TRIP10: variants seen among roughly 807,000 people sequenced by gnomAD.
The protein encoded by TRIP10 is cdc42-interacting protein 4.
A neutral mutation model predicts 80.9 loss-of-function variants in TRIP10; 54 were observed. The observed-to-expected ratio is 0.67, with a 90% CI of 0.54 to 0.84. The LOEUF is 0.84. Among genes scored for constraint, TRIP10 ranks in the 40% least tolerant of loss-of-function variants. The pLI is 0.00. For missense variants in TRIP10, 773 were observed against 815.3 expected, an observed-to-expected ratio of 0.95 and a Z score of 0.63; for synonymous variants, 321 against 307.2, an observed-to-expected ratio of 1.04 and a Z score of -0.47.
rs543149350 is a variant in TRIP10 at position 6,751,375 on chromosome 19, G to T, written c.*164G>T. The T allele has an allele frequency of 7.2e-7, 1 of 1,395,420 alleles. No individual in the cohort carries two copies. The highest frequency in any genetic ancestry group is 2.8e-5 in the East Asian group (1 of 35,922). 86.4% of individuals were successfully genotyped at this position (1,395,420 alleles called of 1,614,324 possible). On this transcript the variant is annotated 3_prime_UTR_variant, in exon 15 of 15. Transcript: ENST00000313244. ...CCCAGTCCTACCTGTCACACCGGAC[G>T]GACCCGCTGTGCCTTCTACCATCGT...
chr19:6,740,970 C>G, intron 1 of TRIP10, 40 bp from the exon 2 acceptor site: 1 of 1,576,024 alleles, frequency 6.3e-7, no homozygotes, highest in Non-Finnish European at 8.7e-7. Context: ...ATCGTGACCC[C>G]GGCCCCTCTC....
Position 6,746,359 on chromosome 19 carries a change from G to C in TRIP10, c.1153-93G>C. The C allele has an allele frequency of 6.4e-7, 1 of 1,561,306 alleles. No homozygotes were observed. The highest frequency in any genetic ancestry group is 1.2e-5 in the South Asian group (1 of 86,368). On this transcript the variant is annotated intron_variant, in intron 10 of 14. Transcript: ENST00000313244. This position sits in a 1 kb window ranked among gnomAD's most constrained non-coding sequence, Gnocchi z 6.2. ...GCATGGCTTCGCTGTCAAGAACCAT[G>C]GCTGGGGAAGGGAGTGAAATATCTC...
intron 12 of TRIP10, 64 bp downstream of exon 12, chr19:6,750,130 G>A: frequency 6.4e-7 from 1 of 1,563,054 alleles, no homozygotes. Flanking sequence ...GCTGGGTGGG[G>A]TGGGGGGTCG....
chr19:6,747,943 T>TAGAAGA lies in TRIP10; in HGVS notation c.1262+1393_1262+1398dup, dbSNP rs142268882. ...GGCAACGTAGTAAAACCCCATCTCT[T>TAGAAGA]AGAAGAAGAAGAAGAAAAACCCAAG... On this transcript the variant is annotated intron_variant, in intron 11 of 14. Coordinates refer to ENST00000313244, the MANE Select transcript of TRIP10 (RefSeq NM_001288962.2). Among the ~76,000 whole-genome samples the TAGAAGA allele has an allele frequency of 2.0e-5, 3 of 150,942 alleles. No individual in the cohort carries two copies. The South Asian group carries it at 6.3e-4, about 32-fold the overall frequency.
chr19:6,745,158 C>A lies in TRIP10; in HGVS notation c.984+164C>A. The A allele has an allele frequency of 2.2e-6, 2 of 909,754 alleles. No individual in the cohort carries two copies. Among genetic ancestry groups the A allele is most frequent in the Non-Finnish European group, 3.2e-6 (2 of 628,804 alleles). The allele number at this position is 909,754 out of a possible 1,614,324, so 56.4% of individuals were successfully genotyped here. A position where few individuals can be genotyped will look rare whatever the true frequency, so the allele number is the denominator to read the frequency against. On this transcript the variant is annotated intron_variant, in intron 9 of 14. Transcript: ENST00000313244. The surrounding 1 kb of genome is among the most constrained non-coding windows in gnomAD (Gnocchi z 7.2). ...GAGGGAAGGAAGGCGGCCGATTGGCCTGGGAGTCCCCCGAGGCGAAGGCGG... is the reference window on the plus strand; with the variant it reads ...GAGGGAAGGAAGGCGGCCGATTGGCATGGGAGTCCCCCGAGGCGAAGGCGG...
At position 6,745,001 on chromosome 19, in the gene TRIP10, G is replaced by T; in HGVS notation, c.984+7G>T. 6.2e-7 allele frequency: 1 copy of T among 1,611,944 alleles called. No homozygotes were observed. Among genetic ancestry groups the T allele is most frequent in the South Asian group, 1.1e-5 (1 of 90,926 alleles). ...TTTTGGCAAGAAGAACAAGGTGGGG[G>T]CCGGGACCCTTGGGATGGTGGGGGA... On this transcript the variant is annotated splice_region_variant and intron_variant, in intron 9 of 14. Coordinates refer to ENST00000313244, the MANE Select transcript of TRIP10 (RefSeq NM_001288962.2). This position sits in a 1 kb window ranked among gnomAD's most constrained non-coding sequence, Gnocchi z 7.2.
intron 3 of TRIP10, among the ~76,000 whole-genome samples, chr19:6,742,528 A>G (rs960720591): frequency 1.3e-5 from 2 of 151,264 alleles, no homozygotes; most frequent in Non-Finnish European, 2.9e-5. Context: ...TTCGAGGTCC[A>G]GTGCGGTGGC....
Position 6,746,421 on chromosome 19 carries a change from T to C in TRIP10, c.1153-31T>C, listed in dbSNP as rs749405574. On this transcript the variant is annotated intron_variant, in intron 10 of 14. Transcript: ENST00000313244. This position sits in a 1 kb window ranked among gnomAD's most constrained non-coding sequence, Gnocchi z 6.2. ...GAGTCTGGCAGGCTAGACTCCTTGA[T>C]CCCAAATTCAGCCCTCTACCCACCT... 1.2e-6 allele frequency: 2 copies of C among 1,611,684 alleles called. No homozygotes were observed. The highest frequency in any genetic ancestry group is 1.7e-5 in the Admixed American group (1 of 59,968).
chr19:6,750,350 G>C lies in TRIP10; in HGVS notation c.1454G>C (p.Arg485Pro), dbSNP rs766706299. Residue 485 changes from arginine (R) to proline (P), a missense_variant, in exon 13 of 15, where the codon CGG (arginine) becomes CCG (proline). By Grantham distance (103) the Arg-to-Pro change is moderately radical. Transcript: ENST00000313244. ...VLSNRGDSLS[R>P]HARPPDPPAS... ...AGCAACCGGGGAGACAGCCTGAGCC[G>C]GCACGCCCGGCCTCCCGACCCCCCC... 2.5e-6 allele frequency: 4 copies of C among 1,614,086 alleles called. No homozygotes were observed. The South Asian group carries it at 4.4e-5, about 18-fold the overall frequency.
intron 11 of TRIP10, among the ~76,000 whole-genome samples, chr19:6,747,227 G>A (rs1969163241): frequency 6.6e-6 from 1 of 152,210 alleles, no homozygotes. Context: ...GGGAGGCTGA[G>A]GTGGGAGGAT....
chr19:6,751,190 C>A lies in TRIP10; in HGVS notation c.1785C>A (p.Tyr595Ter). Residue 595 changes from tyrosine to a stop codon, truncating the protein, a stop_gained, in exon 15 of 15, where the codon TAC becomes TAA. Transcript: ENST00000313244. LOFTEE classifies it high-confidence loss of function. ...EGGEGYVPTS[Y>*]LRVTLN ...GCGAGGGCTACGTGCCCACCTCCTA[C>A]CTCCGAGTCACGCTCAATTGAACCC... is the stretch of plus-strand genomic sequence containing the variant. 6.2e-7 allele frequency: 1 copy of A among 1,613,966 alleles called. No individual in the cohort carries two copies. The highest frequency in any genetic ancestry group is 8.5e-7 in the Non-Finnish European group (1 of 1,179,978).
intron 1 of TRIP10, 66 bp downstream of exon 1, chr19:6,739,851 C>A: frequency 7.2e-7 from 1 of 1,387,350 alleles, no homozygotes; most frequent in African/African-American, 1.5e-5. Context: ...CTTTTGTCCC[C>A]AATGTATCTT....
intron 1 of TRIP10, among the ~76,000 whole-genome samples, chr19:6,740,464 G>C (rs1317861222): frequency 6.6e-6 from 1 of 152,188 alleles, no homozygotes; most frequent in Non-Finnish European, 1.5e-5. Flanking sequence ...TTAGTGCAGC[G>C]GGGGTAACCA....
Position 6,739,718 on chromosome 19 carries a change from G to A in TRIP10, c.-44G>A. 6 of 1,308,678 alleles carry A rather than the reference G, an allele frequency of 4.6e-6. No homozygotes were observed. Among genetic ancestry groups the A allele is most frequent in the Non-Finnish European group, 5.9e-6 (6 of 1,024,522 alleles). 81.1% of individuals were successfully genotyped at this position (1,308,678 alleles called of 1,614,324 possible). The stretch of plus-strand genomic sequence containing the variant: ...GAGGGCGGCGGGCGGCGGGCGGCGG[G>A]GACCGGGTGCGGTGGTGGCTGCGGC... On this transcript the variant is annotated 5_prime_UTR_variant, in exon 1 of 15. Coordinates refer to ENST00000313244, the MANE Select transcript of TRIP10 (RefSeq NM_001288962.2).
chr19:6,745,222 C>A lies in TRIP10; in HGVS notation c.984+228C>A. 1 of 588,650 alleles carries A rather than the reference C, an allele frequency of 1.7e-6. No individual in the cohort carries two copies. The highest frequency in any genetic ancestry group is 2.9e-6 in the Non-Finnish European group (1 of 349,174). The allele number at this position is 588,650 out of a possible 1,614,324, so 36.5% of individuals were successfully genotyped here. On this transcript the variant is annotated intron_variant, in intron 9 of 14. Transcript: ENST00000313244. This position sits in a 1 kb window ranked among gnomAD's most constrained non-coding sequence, Gnocchi z 7.2. Reference sequence around the variant, plus strand: ...AGGTGGGGAGGTCCGTGGCGTTTGTCTGCTGCTTCTCGGGATGCTGGGAGA... The same window carrying A: ...AGGTGGGGAGGTCCGTGGCGTTTGTATGCTGCTTCTCGGGATGCTGGGAGA...
In TRIP10 at chr19:6,745,147, G is replaced by C; in HGVS notation, c.984+153G>C. 8.8e-6 allele frequency: 9 copies of C among 1,023,090 alleles called. No homozygotes were observed. Among genetic ancestry groups the C allele is most frequent in the Non-Finnish European group, 1.2e-5 (9 of 776,208 alleles). The allele number at this position is 1,023,090 out of a possible 1,614,324, so 63.4% of individuals were successfully genotyped here. A position where few individuals can be genotyped will look rare whatever the true frequency, so the allele number is the denominator to read the frequency against. ...AGCCCGGACTGGAGGGAAGGAAGGC[G>C]GCCGATTGGCCTGGGAGTCCCCCGA... is the stretch of plus-strand genomic sequence containing the variant. On this transcript the variant is annotated intron_variant, in intron 9 of 14. Transcript: ENST00000313244. This position sits in a 1 kb window ranked among gnomAD's most constrained non-coding sequence, Gnocchi z 7.2.
rs1218512748 is a variant in TRIP10, at chr19:6,744,456, G to A, written c.643-98G>A. On this transcript the variant is annotated intron_variant, in intron 7 of 14. Transcript: ENST00000313244. The surrounding 1 kb of genome is among the most constrained non-coding windows in gnomAD (Gnocchi z 4.9). Reference sequence around the variant, plus strand: ...TCCCCTCCAGACTGGCTTGGGGCTGGGGCCAGCGTGGAGCGCGATCATATT... The same window carrying A: ...TCCCCTCCAGACTGGCTTGGGGCTGAGGCCAGCGTGGAGCGCGATCATATT... The A allele has an allele frequency of 6.5e-7, 1 of 1,538,284 alleles. No individual in the cohort carries two copies. The highest frequency in any genetic ancestry group is 2.3e-5 in the East Asian group (1 of 44,442).
intron 6 of TRIP10, 25 bp downstream of exon 6, chr19:6,743,623 G>GGGGGC (rs1555692545): frequency 1.1e-5 from 16 of 1,438,194 alleles, no homozygotes; most frequent in Admixed American, 1.1e-4. Flanking sequence ...GGCGGGGGGG[G>GGGGGC]GGTGCGGGGT....
intron 5 of TRIP10, 104 bp from the exon 6 acceptor site, chr19:6,743,390 C>G: frequency 1.3e-6 from 2 of 1,514,598 alleles, no homozygotes; most frequent in Non-Finnish European, 1.8e-6. Flanking sequence ...CTCCCTTGAC[C>G]CCTACTTACT....
Sources: gnomAD v4.1 joint callset for allele counts (sites outside exome capture counted in the v4.1 genomes callset) on GRCh38, gnomAD v4.1.1 for gene constraint, Gnocchi (gnomAD v3.1) non-coding constraint, MANE v1.5 for transcripts, NCBI Gene and HGNC (gene_info 2026-07-23, HGNC 2026-07-21) for gene names.